PSMD11: variants seen among roughly 807,000 people sequenced by gnomAD.
The protein encoded by PSMD11 is 26S proteasome non-ATPase regulatory subunit 11.
Under a neutral mutation model 62.3 loss-of-function variants are expected in PSMD11, and 5 were observed. That is an observed-to-expected ratio of 0.08 (90% confidence interval 0.04 to 0.17). The LOEUF (loss-of-function observed/expected upper bound fraction) is 0.17, where lower values mean the gene tolerates loss of function less well. PSMD11 is among the 10% of genes least tolerant of loss of function. PSMD11 has a pLI of 1.00. For missense variants in PSMD11, 310 were observed against 512.9 expected, an observed-to-expected ratio of 0.60 and a Z score of 3.82; for synonymous variants, 191 against 191.8, an observed-to-expected ratio of 1.00 and a Z score of 0.03.
At chr17:32,449,231 C>T (rs867067929) in intron 2 of PSMD11, among the ~76,000 whole-genome samples, 1 of 151,906 alleles carries the variant, frequency 6.6e-6, no homozygotes, top group Non-Finnish European at 1.5e-5. Flanking sequence ...ATAATGAGAC[C>T]CTGTCTCTAC....
intron 6 of PSMD11, among the ~76,000 whole-genome samples, chr17:32,472,764 T>C (rs1314660561): frequency 6.6e-6 from 1 of 151,660 alleles, no homozygotes; most frequent in Admixed American, 6.6e-5. Flanking sequence ...CTTGAAATCC[T>C]GACCTCAGAT....
chr17:32,469,364 C>T (rs1351827834), intron 6 of PSMD11, among the ~76,000 whole-genome samples, 171 bp downstream of exon 6: 1 of 152,190 alleles, frequency 6.6e-6, no homozygotes. Context: ...CTCCTGTTAA[C>T]TGCCTAAAAT....
At chr17:32,457,034 C>A (rs368705515) in intron 3 of PSMD11, among the ~76,000 whole-genome samples, 1 of 152,168 alleles carries the variant, frequency 6.6e-6, no homozygotes, top group South Asian at 2.1e-4. Flanking sequence ...TGCTATAGTT[C>A]GCTAGTAGGA....
Position 32,483,037 on chromosome 17 carries a change from C to G in PSMD11, c.*2285C>G, listed in dbSNP as rs1445209867. On this transcript the variant is annotated 3_prime_UTR_variant, in exon 14 of 14. Transcript: ENST00000261712. ...AAACTTAGGGCAGTCCTGAGATGCT[C>G]AGGCAGTAGCCCTTTTCTCAGTTCC... is the stretch of plus-strand genomic sequence containing the variant. 2 of 152,166 alleles carry G rather than the reference C, an allele frequency of 1.3e-5. No individual in the cohort carries two copies. Among genetic ancestry groups the G allele is most frequent in the African/African-American group, 2.4e-5 (1 of 41,434 alleles). The allele number at this position is 152,166 out of a possible 1,614,324, so 9.4% of individuals were successfully genotyped here.
chr17:32,445,678 A>G (rs1907312076), intron 1 of PSMD11: 1 of 152,362 alleles, frequency 6.6e-6, no homozygotes, highest in South Asian at 2.1e-4. Context: ...AATTGGCTCA[A>G]CAAGTAGTAT....
At chr17:32,478,908 T>G (rs1036334194) in intron 9 of PSMD11, among the ~76,000 whole-genome samples, 2 of 152,178 alleles carry the variant, frequency 1.3e-5, no homozygotes, top group Admixed American at 1.3e-4. Flanking sequence ...TTGTATTTTT[T>G]TTTTCTCTTA....
chr17:32,469,442 C>T (rs970387570), intron 6 of PSMD11, among the ~76,000 whole-genome samples: 1 of 152,176 alleles, frequency 6.6e-6, no homozygotes, highest in African/African-American at 2.4e-5. Flanking sequence ...TTAGAAAGGT[C>T]GCACGTAGAA....
chr17:32,476,503 T>A (rs1597843235), intron 8 of PSMD11, among the ~76,000 whole-genome samples: 3 of 152,190 alleles, frequency 2.0e-5, no homozygotes, highest in Non-Finnish European at 4.4e-5. Flanking sequence ...CACCATGTAG[T>A]CTACTGTATA....
chr17:32,453,316 G>T (rs1037248664), intron 2 of PSMD11, among the ~76,000 whole-genome samples: 3 of 152,226 alleles, frequency 2.0e-5, no homozygotes, highest in Admixed American at 6.5e-5. Context: ...TATAGACTGA[G>T]AAGATGGCAA....
chr17:32,470,823 G>A (rs1254475469), intron 6 of PSMD11, among the ~76,000 whole-genome samples: 1 of 152,206 alleles, frequency 6.6e-6, no homozygotes, highest in African/African-American at 2.4e-5. Context: ...GGTTTGTTGG[G>A]TTGTTGAAGG....
At chr17:32,457,814 T>C (rs1396899255) in intron 3 of PSMD11, among the ~76,000 whole-genome samples, 29 of 150,808 alleles carry the variant, frequency 1.9e-4, no homozygotes, top group East Asian at 9.7e-4. Context: ...TTTTTTTTTT[T>C]CCCCGAGATG....
chr17:32,473,168 TAAAG>T lies in PSMD11; in HGVS notation c.644-631_644-628del, dbSNP rs551038654. 4.1e-3 allele frequency among the ~76,000 whole-genome samples: 617 copies of T among 149,678 alleles called. 3 individuals carry two copies. Among genetic ancestry groups the T allele is most frequent in the Middle Eastern group, 0.014 (4 of 288 alleles). On this transcript the variant is annotated intron_variant, in intron 6 of 13. Coordinates refer to ENST00000261712, the MANE Select transcript of PSMD11 (RefSeq NM_002815.4). The stretch of plus-strand genomic sequence containing the variant: ...GTGAGACTCGGCTCAAAAAAAAAAA[TAAAG>T]AGACAACATCTAACTCTGTTACTTA...
intron 5 of PSMD11, among the ~76,000 whole-genome samples, chr17:32,468,730 C>T (rs542758134): frequency 2.6e-5 from 4 of 152,158 alleles, no homozygotes; most frequent in Non-Finnish European, 5.9e-5. Flanking sequence ...GAGATTCCCA[C>T]TGTATTTAAA....
intron 3 of PSMD11, among the ~76,000 whole-genome samples, chr17:32,456,566 G>A (rs1386071046): frequency 6.6e-6 from 1 of 152,150 alleles, no homozygotes; most frequent in Non-Finnish European, 1.5e-5. Flanking sequence ...GTCTCGCTCT[G>A]TCGCCCAGGC....
intron 6 of PSMD11, 81 bp from the exon 7 acceptor site, chr17:32,473,720 A>G (rs1022260596): frequency 1.4e-6 from 2 of 1,460,346 alleles, no homozygotes; most frequent in African/African-American, 2.8e-5. Context: ...ATTTAGGTAG[A>G]TGTCTAAGCT....
intron 3 of PSMD11, 45 bp from the exon 4 acceptor site, chr17:32,464,004 A>G: frequency 6.4e-7 from 1 of 1,554,178 alleles, no homozygotes; most frequent in Non-Finnish European, 8.9e-7. Flanking sequence ...TTGTGGGAAG[A>G]ATTTGAGGAC....
chr17:32,456,232 A>G (rs1597832937), intron 3 of PSMD11, among the ~76,000 whole-genome samples: 3 of 152,020 alleles, frequency 2.0e-5, no homozygotes, highest in Non-Finnish European at 4.4e-5. Flanking sequence ...AGTAAATGTT[A>G]ATTTGAAACT....
intron 8 of PSMD11, among the ~76,000 whole-genome samples, chr17:32,475,918 C>T (rs951681023): frequency 2.6e-5 from 4 of 151,826 alleles, no homozygotes; most frequent in Non-Finnish European, 2.9e-5. Flanking sequence ...TAGTAATAAC[C>T]GGTACTCTTG....
chr17:32,465,972 C>G (rs2150835259), intron 5 of PSMD11, among the ~76,000 whole-genome samples: 1 of 151,518 alleles, frequency 6.6e-6, no homozygotes, highest in Middle Eastern at 3.4e-3. Context: ...GAGACTCTGT[C>G]TCCAAAAAAA....
Sources: gnomAD v4.1 joint callset for allele counts (sites outside exome capture counted in the v4.1 genomes callset) on GRCh38, gnomAD v4.1.1 for gene constraint, MANE v1.5 for transcripts, NCBI Gene and HGNC (gene_info 2026-07-23, HGNC 2026-07-21) for gene names.